Variants in HS3ST4 observed in about 807,000 individuals in gnomAD.
HS3ST4 encodes the protein heparan sulfate glucosamine 3-O-sulfotransferase 4.
Under a neutral mutation model 29.2 loss-of-function variants are expected in HS3ST4, and 17 were observed. That is an observed-to-expected ratio of 0.58 (90% CI 0.40 to 0.87). The LOEUF (loss-of-function observed/expected upper bound fraction) is 0.87, where lower values mean the gene tolerates loss of function less well. Ranked by LOEUF, HS3ST4 falls within the 40% of genes least tolerant of loss-of-function variation. HS3ST4 has a pLI of 0.00. For missense variants in HS3ST4, 627 were observed against 634.5 expected, an observed-to-expected ratio of 0.99 and a Z score of 0.13; for synonymous variants, 314 against 285.7, an observed-to-expected ratio of 1.10 and a Z score of -1.00.
At chr16:25,967,397 G>A (rs892291353) in intron 1 of HS3ST4, among the ~76,000 whole-genome samples, 4 of 152,104 alleles carry the variant, frequency 2.6e-5, no homozygotes, top group African/African-American at 7.2e-5. Context: ...CTCGTGATCC[G>A]CCCACCTCAG....
chr16:25,771,692 G>C (rs1268976892), intron 1 of HS3ST4, among the ~76,000 whole-genome samples: 23 of 152,032 alleles, frequency 1.5e-4, no homozygotes, highest in Non-Finnish European at 2.9e-5. Context: ...AGAATATAAG[G>C]GAACTATCTC....
chr16:26,040,279 T>C (rs1435822103), intron 1 of HS3ST4, among the ~76,000 whole-genome samples: 1 of 151,956 alleles, frequency 6.6e-6, no homozygotes, highest in African/African-American at 2.4e-5. Flanking sequence ...TTCCTATTGC[T>C]GTCAGTATCT....
chr16:26,051,948 T>C (rs1200125420), intron 1 of HS3ST4, among the ~76,000 whole-genome samples: 2 of 136,836 alleles, frequency 1.5e-5, no homozygotes, highest in Non-Finnish European at 3.1e-5. Context: ...CGTCCTTCCT[T>C]CCTTCCTTCC....
intron 1 of HS3ST4, among the ~76,000 whole-genome samples, chr16:25,993,517 A>G (rs187578167): frequency 3.9e-4 from 59 of 152,118 alleles, no homozygotes; most frequent in African/African-American, 1.4e-3. Flanking sequence ...AGCTTTGGGA[A>G]CCAAAAGACT....
chr16:26,009,965 C>T (rs1026794673), intron 1 of HS3ST4, among the ~76,000 whole-genome samples: 1 of 152,174 alleles, frequency 6.6e-6, no homozygotes, highest in Non-Finnish European at 1.5e-5. Flanking sequence ...TTCCTAGCAA[C>T]ACGGGCCGTA....
chr16:25,788,034 A>G (rs1375958486), intron 1 of HS3ST4, among the ~76,000 whole-genome samples: 4 of 152,160 alleles, frequency 2.6e-5, no homozygotes, highest in Non-Finnish European at 5.9e-5. Flanking sequence ...CAAAATCCCA[A>G]CTTACCACCT....
At chr16:26,080,093 A>G (rs1416283984) in intron 1 of HS3ST4, among the ~76,000 whole-genome samples, 1 of 152,130 alleles carries the variant, frequency 6.6e-6, no homozygotes, top group African/African-American at 2.4e-5. Flanking sequence ...CAGCTCAAAT[A>G]CTATTACTCT....
chr16:25,716,792 G>A (rs935961659), intron 1 of HS3ST4, among the ~76,000 whole-genome samples: 5 of 152,180 alleles, frequency 3.3e-5, no homozygotes, highest in Non-Finnish European at 4.4e-5. Flanking sequence ...GGTGGCTCAC[G>A]CCTGTAATCC....
chr16:25,771,966 A>G (rs1183534177), intron 1 of HS3ST4, among the ~76,000 whole-genome samples: 1 of 152,172 alleles, frequency 6.6e-6, no homozygotes, highest in Non-Finnish European at 1.5e-5. Context: ...GGAAGATAGG[A>G]TAACGTTTCT....
intron 1 of HS3ST4, among the ~76,000 whole-genome samples, chr16:25,840,953 T>C (rs955390386): frequency 6.6e-6 from 1 of 151,000 alleles, no homozygotes; most frequent in Non-Finnish European, 1.5e-5. Flanking sequence ...GTATTTACTT[T>C]ACTTTAATTT....
chr16:25,783,637 G>A (rs1205874688), intron 1 of HS3ST4, among the ~76,000 whole-genome samples: 3 of 152,108 alleles, frequency 2.0e-5, no homozygotes, highest in African/African-American at 4.8e-5. Context: ...TTATTCAGCC[G>A]CTGAGGTTAA....
chr16:25,708,009 C>A (rs1966387699), intron 1 of HS3ST4, among the ~76,000 whole-genome samples: 1 of 152,166 alleles, frequency 6.6e-6, no homozygotes, highest in African/African-American at 2.4e-5. Context: ...TTACTCCACA[C>A]CCACCCAGGT....
At chr16:25,808,511 T>C (rs1287900031) in intron 1 of HS3ST4, among the ~76,000 whole-genome samples, 1 of 152,202 alleles carries the variant, frequency 6.6e-6, no homozygotes, top group Non-Finnish European at 1.5e-5. Context: ...ACTATCCTTA[T>C]TACTGTGGCT....
intron 1 of HS3ST4, among the ~76,000 whole-genome samples, chr16:25,906,948 G>A (rs1968185704): frequency 6.6e-6 from 1 of 152,176 alleles, no homozygotes; most frequent in Non-Finnish European, 1.5e-5. Context: ...TAATCCTAGT[G>A]CTTTGAGAAG....
chr16:26,109,335 A>G (rs1217633869), intron 1 of HS3ST4, among the ~76,000 whole-genome samples: 1 of 152,084 alleles, frequency 6.6e-6, no homozygotes, highest in East Asian at 1.9e-4. Context: ...CACGCACACA[A>G]TCTTTTCTGC....
At chr16:26,015,102 A>G (rs1969351020) in intron 1 of HS3ST4, among the ~76,000 whole-genome samples, 1 of 152,194 alleles carries the variant, frequency 6.6e-6, no homozygotes, top group African/African-American at 2.4e-5. Context: ...AGAGGTTAAG[A>G]ATATAATCTT....
intron 1 of HS3ST4, among the ~76,000 whole-genome samples, chr16:25,801,667 A>G (rs1966935709): frequency 6.6e-6 from 1 of 152,174 alleles, no homozygotes; most frequent in African/African-American, 2.4e-5. Context: ...CTGTGATGTT[A>G]CACATTTTAA....
At chr16:25,828,301 C>CTCCCTCT (rs1555467593) in intron 1 of HS3ST4, among the ~76,000 whole-genome samples, 5 of 32,882 alleles carry the variant, frequency 1.5e-4, no homozygotes, top group East Asian at 9.9e-4. Flanking sequence ...TCTTTCTTTC[C>CTCCCTCT]CTCTCTCTCT....
chr16:25,766,905 C>G (rs891146026), intron 1 of HS3ST4, among the ~76,000 whole-genome samples: 1 of 152,102 alleles, frequency 6.6e-6, no homozygotes, highest in African/African-American at 2.4e-5. Flanking sequence ...ATTGATTTTA[C>G]CAGATACACG....
Sources: allele counts gnomAD v4.1 joint callset (sites outside exome capture counted in the v4.1 genomes callset), GRCh38; gene constraint gnomAD v4.1.1; transcripts MANE v1.5; gene names NCBI Gene and HGNC (gene_info 2026-07-23, HGNC 2026-07-21).